RORA: variants seen among roughly 807,000 people sequenced by gnomAD.
The protein encoded by RORA is nuclear receptor ROR-alpha.
Under a neutral mutation model 69.5 loss-of-function variants are expected in RORA, and 7 were observed. That is an observed-to-expected ratio of 0.10 (90% CI 0.06 to 0.19). RORA has a LOEUF of 0.19. Among genes scored for constraint, RORA ranks in the 10% least tolerant of loss-of-function variants. RORA has a pLI of 1.00. For missense variants in RORA, 457 were observed against 663.0 expected (o/e 0.69, Z 3.41); for synonymous variants, 261 against 240.8 (o/e 1.08, Z -0.78).
At chr15:60,961,204 T>C (rs1893405302) in intron 1 of RORA, among the ~76,000 whole-genome samples, 1 of 152,190 alleles carries the variant, frequency 6.6e-6, no homozygotes, top group South Asian at 2.1e-4. Flanking sequence ...TGCTGATCTC[T>C]GTGTGCATGG....
intron 3 of RORA, among the ~76,000 whole-genome samples, chr15:60,524,963 C>T (rs2066300589): frequency 6.6e-6 from 1 of 152,222 alleles, no homozygotes; most frequent in Admixed American, 6.5e-5. Context: ...GATTTGAATT[C>T]CTGAATCCTA....
intron 1 of RORA, chr15:61,038,708 A>G (rs930220213): frequency 2.6e-5 from 4 of 152,260 alleles, no homozygotes; most frequent in African/African-American, 9.6e-5. Context: ...ACACTGTGGT[A>G]GCGGAAGATT....
At chr15:60,625,409 T>C (rs548839647) in intron 2 of RORA, among the ~76,000 whole-genome samples, 1 of 152,348 alleles carries the variant, frequency 6.6e-6, no homozygotes, top group Admixed American at 6.5e-5. Flanking sequence ...GCAACGTCCA[T>C]TAATATTACA....
intron 1 of RORA, among the ~76,000 whole-genome samples, chr15:60,773,369 G>A (rs117021606): frequency 0.033 from 5,025 of 151,846 alleles, 121 homozygotes; most frequent in Non-Finnish European, 0.048. Context: ...TTTCTGAACC[G>A]TTTGAGGATA....
chr15:61,225,616 C>G (rs139850088), intron 1 of RORA, among the ~76,000 whole-genome samples: 1 of 152,320 alleles, frequency 6.6e-6, no homozygotes, highest in South Asian at 2.1e-4. Context: ...GGTCTGCCGG[C>G]CCTAAAAGCC....
At chr15:60,686,810 T>G (rs936696098) in intron 1 of RORA, 2 of 152,282 alleles carry the variant, frequency 1.3e-5, no homozygotes, top group Non-Finnish European at 2.9e-5. Context: ...CCAGAACAGG[T>G]TGGATGAGGA....
intron 2 of RORA, among the ~76,000 whole-genome samples, chr15:60,611,559 C>CAAAAAAAAAAAA (rs533598270): frequency 0.093 from 3,326 of 35,816 alleles, 1,315 homozygotes; most frequent in Non-Finnish European, 0.1. Context: ...TTGAGTTTTG[C>CAAAAAAAAAAAA]AAAAAAAAAA....
chr15:60,526,932 A>G (rs937852495), intron 3 of RORA, among the ~76,000 whole-genome samples: 1 of 152,186 alleles, frequency 6.6e-6, no homozygotes, highest in Non-Finnish European at 1.5e-5. Flanking sequence ...TCACTTATAT[A>G]CTCTAGATAT....
At position 61,020,238 on chromosome 15, in the gene RORA, C is replaced by T. The variant is rs76818761; in HGVS notation, c.166+208815G>A. ...ACATTAAGTCAGCATCTCAGTATCA[C>T]CTCCACTTAGCTTCCCACCTCTGTC... On this transcript the variant is annotated intron_variant, in intron 1 of 10. Transcript: ENST00000335670. 9.3e-3 allele frequency among the ~76,000 whole-genome samples: 1,413 copies of T among 152,272 alleles called. 29 individuals are homozygous for T. The highest frequency in any genetic ancestry group is 0.032 in the African/African-American group (1,328 of 41,550).
intron 1 of RORA, among the ~76,000 whole-genome samples, chr15:60,982,318 T>C (rs1894067642): frequency 6.6e-6 from 1 of 152,264 alleles, no homozygotes; most frequent in African/African-American, 2.4e-5. Flanking sequence ...GACATGTGAA[T>C]GTTCTTCTAA....
intron 1 of RORA, among the ~76,000 whole-genome samples, chr15:60,861,583 G>A (rs1023510374): frequency 6.6e-6 from 1 of 152,082 alleles, no homozygotes; most frequent in African/African-American, 2.4e-5. Flanking sequence ...TCAACTCCTG[G>A]GCTCAAGTGA....
chr15:61,004,434 A>T (rs898861906), intron 1 of RORA, among the ~76,000 whole-genome samples: 4 of 150,978 alleles, frequency 2.6e-5, no homozygotes, highest in Non-Finnish European at 5.9e-5. Context: ...TTTTCAGGCC[A>T]TAAGTATTTC....
At chr15:61,002,570 T>A (rs1333781101) in intron 1 of RORA, among the ~76,000 whole-genome samples, 1 of 152,132 alleles carries the variant, frequency 6.6e-6, no homozygotes, top group Non-Finnish European at 1.5e-5. Flanking sequence ...TTGAAAAAAA[T>A]ATGTTAGCGT....
intron 1 of RORA, among the ~76,000 whole-genome samples, chr15:60,682,618 T>A (rs1191028335): frequency 6.6e-6 from 1 of 151,994 alleles, no homozygotes; most frequent in Non-Finnish European, 1.5e-5. Context: ...GTCTTAAATT[T>A]AAAAAAATAA....
chr15:61,143,004 G>C (rs2079314881), intron 1 of RORA, among the ~76,000 whole-genome samples: 1 of 152,076 alleles, frequency 6.6e-6, no homozygotes, highest in Non-Finnish European at 1.5e-5. Flanking sequence ...TAGTACTAGT[G>C]CAATGAGGAG....
At chr15:61,127,498 GC>G (rs1189966553) in intron 1 of RORA, among the ~76,000 whole-genome samples, 1 of 152,106 alleles carries the variant, frequency 6.6e-6, no homozygotes, top group Non-Finnish European at 1.5e-5. Context: ...GAAATGTCTG[GC>G]AAACAGATCT....
chr15:60,653,102 A>G (rs2070168588), intron 2 of RORA, among the ~76,000 whole-genome samples: 1 of 152,212 alleles, frequency 6.6e-6, no homozygotes, highest in African/African-American at 2.4e-5. Flanking sequence ...TTTCGTTTCT[A>G]CAGGTTATGA....
Position 60,575,670 on chromosome 15 carries a change from G to GA in RORA, c.197-43820dup, listed in dbSNP as rs199982282. 1.1e-4 allele frequency among the ~76,000 whole-genome samples: 17 copies of GA among 151,254 alleles called. No individual in the cohort carries two copies. In the East Asian group the frequency reaches 1.2e-3, roughly 10 times the overall value. On this transcript the variant is annotated intron_variant, in intron 2 of 10. Transcript: ENST00000335670. ...TTCACAGGCAATACTCCCAGATCAAGAAAAAAAAATGTCCCTTTGGTTTTT... is the reference window on the plus strand; with the variant it reads ...TTCACAGGCAATACTCCCAGATCAAGAAAAAAAAAATGTCCCTTTGGTTTTT...
chr15:60,875,515 T>C (rs183592185), intron 1 of RORA, among the ~76,000 whole-genome samples: 21 of 152,288 alleles, frequency 1.4e-4, no homozygotes, highest in Admixed American at 1.4e-3. Context: ...CGGTAAATCA[T>C]GTGATCCATG....
Sources: gnomAD v4.1 joint callset for allele counts (sites outside exome capture counted in the v4.1 genomes callset) on GRCh38, gnomAD v4.1.1 for gene constraint, MANE v1.5 for transcripts, NCBI Gene and HGNC (gene_info 2026-07-23, HGNC 2026-07-21) for gene names.